Variants in NAGPA observed in about 807,000 individuals in gnomAD.
NAGPA encodes N-acetylglucosamine-1-phosphodiester alpha-N-acetylglucosaminidase.
Under a neutral mutation model 48.5 loss-of-function variants are expected in NAGPA, and 56 were observed. The ratio of observed to expected loss-of-function variants is 1.15; its 90% CI spans 0.93 to 1.44. NAGPA has a LOEUF of 1.44. Ranked by LOEUF, NAGPA falls within the 40% of genes most tolerant of loss-of-function variation. NAGPA has a pLI of 0.00. For missense variants in NAGPA, 888 were observed against 735.0 expected (o/e 1.21, Z -2.41); for synonymous variants, 399 against 315.5 (o/e 1.26, Z -2.81).
intron 2 of NAGPA, 147 bp from the exon 3 acceptor site, chr16:5,032,031 CT>C (rs1956109401): frequency 3.0e-6 from 3 of 1,008,016 alleles, no homozygotes; most frequent in Non-Finnish European, 1.5e-6. Flanking sequence ...GCTGGGACAA[CT>C]TAACAGCCCT....
In NAGPA at chr16:5,027,349, C is replaced by G; in HGVS notation, c.1205G>C (p.Cys402Ser). The G allele has an allele frequency of 6.2e-7, 1 of 1,614,138 alleles. No individual in the cohort carries two copies. The highest frequency in any genetic ancestry group is 8.5e-7 in the Non-Finnish European group (1 of 1,180,042). The change falls in exon 8 of 10, where the codon TGC becomes TCC. Residue 402 changes from cysteine (C) to serine (S), a missense_variant. By Grantham distance (112) the Cys-to-Ser change is moderately radical. Coordinates refer to ENST00000312251, the MANE Select transcript of NAGPA (RefSeq NM_016256.4). ...ECPLGWHGPG[C>S]QRPCKCEHHC... ...GTGCTCACACTTACAAGGCCTCTGG[C>G]AGCCCGGCCCATGCCAGCCAAGGGG...
At chr16:5,028,309 G>A (rs1281740535) in intron 5 of NAGPA, 124 bp from the exon 6 acceptor site, 16 of 1,524,324 alleles carry the variant, frequency 1.0e-5, no homozygotes, top group Middle Eastern at 3.4e-4. Flanking sequence ...ACAAGATGGC[G>A]TCTATCTATT....
chr16:5,027,315 G>T lies in NAGPA; in HGVS notation c.1239C>A (p.Pro413=). 6.2e-7 allele frequency: 1 copy of T among 1,614,214 alleles called. No individual in the cohort carries two copies. The highest frequency in any genetic ancestry group is 8.5e-7 in the Non-Finnish European group (1 of 1,180,044). The part of the protein sequence containing the change: ...QRPCKCEHHC[P]CDPKTGNCSV... ...TGCAGTTGCCAGTCTTGGGGTCACA[G>T]GGACAATGGTGCTCACACTTACAAG... Residue 413 remains proline (P), a synonymous_variant, in exon 8 of 10, where the codon CCC becomes CCA. Transcript: ENST00000312251.
At position 5,027,871 on chromosome 16, in the gene NAGPA, T is replaced by C. The variant is rs1235375309; in HGVS notation, c.1149A>G (p.Gly383=). The change falls in exon 7 of 10, where the codon GGA becomes GGG. Residue 383 remains glycine (G), a synonymous_variant. Transcript: ENST00000312251. ...CTTCACTGCAGTTGGACCCGGTCCATCCGGCATCACAGCGGCAGCCGGCTG... is the reference window on the plus strand; with the variant it reads ...CTTCACTGCAGTTGGACCCGGTCCACCCGGCATCACAGCGGCAGCCGGCTG... ...CTETGCRCDA[G]WTGSNCSEEC... 4 of 1,578,584 alleles carry C rather than the reference T, an allele frequency of 2.5e-6. No individual in the cohort carries two copies. The highest frequency in any genetic ancestry group is 2.3e-5 in the South Asian group (2 of 87,590).
At chr16:5,030,932 C>T (rs1289441172) in intron 3 of NAGPA, 2 of 208,542 alleles carry the variant, frequency 9.6e-6, no homozygotes, top group Non-Finnish European at 1.9e-5. Flanking sequence ...ACCGCCCACT[C>T]TTTTTTTTTT....
Position 5,027,892 on chromosome 16 carries a change from G to C in NAGPA, c.1128C>G (p.Thr376=). The change falls in exon 7 of 10, where the codon ACC becomes ACG. Residue 376 remains threonine, a splice_region_variant and synonymous_variant. Coordinates refer to ENST00000312251, the MANE Select transcript of NAGPA (RefSeq NM_016256.4). ...NCSQHGLCTE[T]GCRCDAGWTG... ...TCCATCCGGCATCACAGCGGCAGCC[G>C]GCTGCCGAGACAAGACCGGGGAGGC... 1 of 1,595,484 alleles carries C rather than the reference G, an allele frequency of 6.3e-7. No homozygotes were observed. The highest frequency in any genetic ancestry group is 1.3e-5 in the African/African-American group (1 of 74,526).
intron 4 of NAGPA, 57 bp from the exon 5 acceptor site, chr16:5,029,065 C>G: frequency 6.2e-7 from 1 of 1,604,660 alleles, no homozygotes; most frequent in Non-Finnish European, 8.5e-7. Flanking sequence ...TCTCATTTAA[C>G]TCCTTTTCCT....
chr16:5,033,080 T>A lies in NAGPA; in HGVS notation c.542+193A>T, dbSNP rs548876295. ...GGCTATCTCACCGGGGCGCGGCACA[T>A]TGCCTGATACAAGCAAGTGCTCAAT... On this transcript the variant is annotated intron_variant, in intron 2 of 9. Coordinates refer to ENST00000312251, the MANE Select transcript of NAGPA (RefSeq NM_016256.4). The surrounding 1 kb of genome is among the most constrained non-coding windows in gnomAD (Gnocchi z 4.2). The A allele has an allele frequency of 7.3e-6, 5 of 686,816 alleles. No homozygotes were observed. The highest frequency in any genetic ancestry group is 2.6e-5 in the Admixed American group (1 of 39,086). The allele number at this position is 686,816 out of a possible 1,614,324, so 42.5% of individuals were successfully genotyped here.
chr16:5,028,876 T>C lies in NAGPA; in HGVS notation c.920+4A>G. 1 of 1,614,024 alleles carries C rather than the reference T, an allele frequency of 6.2e-7. No individual in the cohort carries two copies. Among genetic ancestry groups the C allele is most frequent in the Non-Finnish European group, 8.5e-7 (1 of 1,180,024 alleles). ...CCTCACGAAGGCGGCTCTCACGTGC[T>C]TACCAGTGATCTGACGGGTAACTGG... is the stretch of plus-strand genomic sequence containing the variant. On this transcript the variant is annotated splice_donor_region_variant and intron_variant, in intron 5 of 9. Coordinates refer to ENST00000312251, the MANE Select transcript of NAGPA (RefSeq NM_016256.4).
rs1398340072 is a variant in NAGPA, at chr16:5,033,152, C to G, written c.542+121G>C. 1 of 1,152,632 alleles carries G rather than the reference C, an allele frequency of 8.7e-7. No homozygotes were observed. Among genetic ancestry groups the G allele is most frequent in the East Asian group, 2.6e-5 (1 of 38,924 alleles). The allele number at this position is 1,152,632 out of a possible 1,614,324, so 71.4% of individuals were successfully genotyped here. On this transcript the variant is annotated intron_variant, in intron 2 of 9. Coordinates refer to ENST00000312251, the MANE Select transcript of NAGPA (RefSeq NM_016256.4). The surrounding 1 kb of genome is among the most constrained non-coding windows in gnomAD (Gnocchi z 4.2). ...TCTGCAAGGAAGCGATTCCTATCCC[C>G]ATTCTGCAGAGGAGGAAACAGGGGC...
chr16:5,029,257 C>T, intron 4 of NAGPA: 1 of 548,162 alleles, frequency 1.8e-6, no homozygotes, highest in East Asian at 3.4e-5. Context: ...CTGGGTGCAG[C>T]CACTGGAATC....
At chr16:5,025,861 G>A in intron 9 of NAGPA, among the ~76,000 whole-genome samples, 176 bp from the exon 10 acceptor site, 1 of 152,062 alleles carries the variant, frequency 6.6e-6, no homozygotes, top group East Asian at 1.9e-4. Context: ...CAACATTTAA[G>A]ACATGTGCAG....
rs764238312 is a variant in NAGPA, at chr16:5,025,207, C to T, written c.*271G>A. 2.7e-4 allele frequency: 143 copies of T among 527,794 alleles called. No individual in the cohort carries two copies. The highest frequency in any genetic ancestry group is 4.5e-4 in the Non-Finnish European group (130 of 291,528). The allele number at this position is 527,794 out of a possible 1,614,324, so 32.7% of individuals were successfully genotyped here. A position where few individuals can be genotyped will look rare whatever the true frequency, so the allele number is the denominator to read the frequency against. Reference sequence around the variant, plus strand: ...CTCTTTGGCAGTGCGGCAGCCCTCCCGGGGGCACGGGCTTCTCGGCAGCAG... The same window carrying T: ...CTCTTTGGCAGTGCGGCAGCCCTCCTGGGGGCACGGGCTTCTCGGCAGCAG... On this transcript the variant is annotated 3_prime_UTR_variant, in exon 10 of 10. Coordinates refer to ENST00000312251, the MANE Select transcript of NAGPA (RefSeq NM_016256.4).
At chr16:5,029,349 G>A (rs1021132800) in intron 4 of NAGPA, 20 of 354,810 alleles carry the variant, frequency 5.6e-5, no homozygotes, top group Non-Finnish European at 8.5e-5. Flanking sequence ...GGGATGAGAG[G>A]GTGGCCGGAC....
At chr16:5,027,789 G>A in intron 7 of NAGPA, 57 bp downstream of exon 7, 3 of 1,547,532 alleles carry the variant, frequency 1.9e-6, no homozygotes, top group Admixed American at 2.0e-5. Context: ...CAGAGGAGCA[G>A]TGGGGGCTGC....
At chr16:5,029,134 C>G (rs1214304925) in intron 4 of NAGPA, 126 bp from the exon 5 acceptor site, 4 of 1,492,824 alleles carry the variant, frequency 2.7e-6, no homozygotes, top group African/African-American at 1.4e-5. Flanking sequence ...GCCCCCGCCC[C>G]CAAGCATGTC....
intron 5 of NAGPA, 155 bp from the exon 6 acceptor site, chr16:5,028,340 T>C (rs1956041252): frequency 7.1e-7 from 1 of 1,412,258 alleles, no homozygotes; most frequent in Non-Finnish European, 9.7e-7. Context: ...GGTATTGCGA[T>C]CCTTCCACCC....
Position 5,033,780 on chromosome 16 carries a change from G to A in NAGPA, c.86+49C>T. On this transcript the variant is annotated intron_variant, in intron 1 of 9. Transcript: ENST00000312251. The surrounding 1 kb of genome is among the most constrained non-coding windows in gnomAD (Gnocchi z 4.2). ...AGGGGGCTGTCCTCGTGAGCTCGGA[G>A]GACAGGGGGGACCCCCCGAACCAGG... 6.3e-7 allele frequency: 1 copy of A among 1,575,924 alleles called. No homozygotes were observed. The highest frequency in any genetic ancestry group is 2.3e-5 in the East Asian group (1 of 43,064).
Position 5,027,394 on chromosome 16 carries a change from T to TGGGAGGAGGGAGGA in NAGPA, c.1175-29_1175-16dup, listed in dbSNP as rs71402581. The TGGGAGGAGGGAGGA allele has an allele frequency of 1.1e-5, 18 of 1,608,894 alleles. No individual in the cohort carries two copies. The highest frequency in any genetic ancestry group is 1.3e-5 in the Non-Finnish European group (15 of 1,176,408). ...AAGGGGACACTCTATGGAAAGGAGATGGGAGGAGGGAGGAGGGAGGAGAAA... is the reference window on the plus strand; with the variant it reads ...AAGGGGACACTCTATGGAAAGGAGATGGGAGGAGGGAGGAGGGAGGAGGGAGGAGGGAGGAGAAA... On this transcript the variant is annotated splice_polypyrimidine_tract_variant and intron_variant, in intron 7 of 9. Coordinates refer to ENST00000312251, the MANE Select transcript of NAGPA (RefSeq NM_016256.4).
Sources: gnomAD v4.1 joint callset for allele counts (sites outside exome capture counted in the v4.1 genomes callset) on GRCh38, gnomAD v4.1.1 for gene constraint, Gnocchi (gnomAD v3.1) non-coding constraint, MANE v1.5 for transcripts, NCBI Gene and HGNC (gene_info 2026-07-23, HGNC 2026-07-21) for gene names.